ADGRB3: variants seen among roughly 807,000 people sequenced by gnomAD.
ADGRB3 encodes the protein adhesion G protein-coupled receptor B3.
ADGRB3 carries 37 observed loss-of-function variants against 193.4 expected under a neutral mutation model. The observed-to-expected ratio is 0.19, with a 90% CI of 0.15 to 0.25. ADGRB3 has a LOEUF of 0.25. ADGRB3 is among the 10% of genes least tolerant of loss of function. ADGRB3 has a pLI of 1.00. For synonymous variants in ADGRB3, 690 were observed against 644.2 expected, an observed-to-expected ratio of 1.07 and a Z score of -1.08; for missense variants, 1,637 against 1,852.9, an observed-to-expected ratio of 0.88 and a Z score of 2.14.
At chr6:68,867,384 A>G (rs187452603) in intron 3 of ADGRB3, among the ~76,000 whole-genome samples, 1 of 152,282 alleles carries the variant, frequency 6.6e-6, no homozygotes, top group Admixed American at 6.5e-5. Context: ...AGAGTTTAGG[A>G]AACTTCACTT....
intron 3 of ADGRB3, among the ~76,000 whole-genome samples, chr6:68,703,823 G>A (rs1001880142): frequency 1.3e-5 from 2 of 151,888 alleles, no homozygotes; most frequent in African/African-American, 2.4e-5. Flanking sequence ...GGGTTTCATC[G>A]TGTTGGTCAG....
intron 17 of ADGRB3, among the ~76,000 whole-genome samples, chr6:69,178,458 A>C (rs1312759361): frequency 6.6e-6 from 1 of 152,194 alleles, no homozygotes; most frequent in African/African-American, 2.4e-5. Context: ...GACTATTTAC[A>C]TTCAAAGTTA....
chr6:69,121,357 A>G (rs1029039978), intron 17 of ADGRB3, among the ~76,000 whole-genome samples: 3 of 152,238 alleles, frequency 2.0e-5, no homozygotes, highest in Non-Finnish European at 4.4e-5. Context: ...CCAAAGCAGA[A>G]GAATTTTTCT....
chr6:69,134,525 T>G (rs1179430499), intron 17 of ADGRB3, among the ~76,000 whole-genome samples: 1 of 152,080 alleles, frequency 6.6e-6, no homozygotes, highest in Non-Finnish European at 1.5e-5. Context: ...GCAGAAATGA[T>G]TCTTACTACC....
Position 69,031,550 on chromosome 6 carries a change from T to TTTCTTTCTTTATTTC in ADGRB3, c.2107+13053_2107+13054insCTTTCTTTATTTCTT. 2.9e-5 allele frequency among the ~76,000 whole-genome samples: 2 copies of TTTCTTTCTTTATTTC among 70,132 alleles called. 1 individual carries two copies. Among genetic ancestry groups the TTTCTTTCTTTATTTC allele is most frequent in the Non-Finnish European group, 6.1e-5 (2 of 32,952 alleles). The allele number at this position is 70,132 out of a possible 152,430, so 46.0% of individuals were successfully genotyped here. On this transcript the variant is annotated intron_variant, in intron 13 of 31. Coordinates refer to ENST00000370598, the MANE Select transcript of ADGRB3 (RefSeq NM_001704.3). ...CTTTCTTTCTTTCTTTCTTTCTTTC[T>TTTCTTTCTTTATTTC]TTTTCTTTCTTTCTTTTCTTCCTCT...
rs1437893534 is a variant in ADGRB3 at position 69,048,115 on chromosome 6, C to A, written c.2108-70C>A. 8 of 1,453,728 alleles carry A rather than the reference C, an allele frequency of 5.5e-6. No homozygotes were observed. In the East Asian group the frequency reaches 1.6e-4, roughly 30 times the overall value. The allele number at this position is 1,453,728 out of a possible 1,614,324, so 90.1% of individuals were successfully genotyped here. ...TATTTTGAATATACTGCAAGATTTACCTTGATCAACACTGATTACACTAAA... is the reference window on the plus strand; with the variant it reads ...TATTTTGAATATACTGCAAGATTTAACTTGATCAACACTGATTACACTAAA... On this transcript the variant is annotated intron_variant, in intron 13 of 31. Coordinates refer to ENST00000370598, the MANE Select transcript of ADGRB3 (RefSeq NM_001704.3).
At chr6:68,728,521 CAT>C (rs1765715285) in intron 3 of ADGRB3, among the ~76,000 whole-genome samples, 1 of 151,516 alleles carries the variant, frequency 6.6e-6, no homozygotes. Flanking sequence ...CTCGTGCACA[CAT>C]ATAAACATTT....
At chr6:68,990,866 A>G (rs1244587669) in intron 10 of ADGRB3, among the ~76,000 whole-genome samples, 1 of 152,154 alleles carries the variant, frequency 6.6e-6, no homozygotes, top group Non-Finnish European at 1.5e-5. Context: ...AGAACAATTT[A>G]GTCTTCTGCA....
chr6:68,948,883 G>A (rs1055682684), intron 6 of ADGRB3, among the ~76,000 whole-genome samples: 3 of 152,068 alleles, frequency 2.0e-5, no homozygotes, highest in Non-Finnish European at 2.9e-5. Flanking sequence ...GGGAAAAAAA[G>A]TGGTGTGTTA....
chr6:68,824,731 CT>C (rs1416365151), intron 3 of ADGRB3, among the ~76,000 whole-genome samples: 1 of 150,568 alleles, frequency 6.6e-6, no homozygotes, highest in East Asian at 1.9e-4. Context: ...ATTTTTCCCC[CT>C]AATCTTCTGT....
At chr6:69,229,917 A>T (rs1256910875) in intron 17 of ADGRB3, among the ~76,000 whole-genome samples, 1 of 152,334 alleles carries the variant, frequency 6.6e-6, no homozygotes, top group East Asian at 1.9e-4. Context: ...TTATATTTTC[A>T]CATCATTCTG....
intron 3 of ADGRB3, among the ~76,000 whole-genome samples, chr6:68,903,476 A>G (rs1766454334): frequency 6.6e-6 from 1 of 152,192 alleles, no homozygotes; most frequent in African/African-American, 2.4e-5. Context: ...CAGATATCAG[A>G]TGAAAACATA....
chr6:68,888,181 C>T (rs1408019614), intron 3 of ADGRB3, among the ~76,000 whole-genome samples: 1 of 152,068 alleles, frequency 6.6e-6, no homozygotes, highest in Non-Finnish European at 1.5e-5. Context: ...AAGTTAGAGT[C>T]CTCAAGAGAG....
intron 20 of ADGRB3, among the ~76,000 whole-genome samples, chr6:69,310,703 T>C (rs1768171036): frequency 6.6e-6 from 1 of 151,664 alleles, no homozygotes; most frequent in African/African-American, 2.4e-5. Flanking sequence ...AATGTTCCTG[T>C]GAAATGTTTA....
intron 17 of ADGRB3, among the ~76,000 whole-genome samples, chr6:69,230,000 G>A (rs572598439): frequency 1.3e-5 from 2 of 152,180 alleles, no homozygotes; most frequent in African/African-American, 4.8e-5. Flanking sequence ...ATATGGAGAA[G>A]AAGAAGAGGT....
At chr6:68,980,620 T>C (rs1386046692) in intron 10 of ADGRB3, among the ~76,000 whole-genome samples, 1 of 151,530 alleles carries the variant, frequency 6.6e-6, no homozygotes, top group Non-Finnish European at 1.5e-5. Context: ...CAAATATGTA[T>C]TGAGCTAAAA....
intron 3 of ADGRB3, among the ~76,000 whole-genome samples, chr6:68,884,431 G>A (rs576473600): frequency 2.1e-4 from 32 of 152,300 alleles, no homozygotes; most frequent in Middle Eastern, 3.4e-3. Context: ...GTGAGAACAT[G>A]TCTCTCAGAG....
intron 17 of ADGRB3, among the ~76,000 whole-genome samples, chr6:69,135,861 G>T (rs1023829725): frequency 6.6e-6 from 1 of 152,052 alleles, no homozygotes; most frequent in Non-Finnish European, 1.5e-5. Flanking sequence ...TTAGTCTGTA[G>T]CCATAAACAG....
intron 17 of ADGRB3, among the ~76,000 whole-genome samples, chr6:69,124,063 C>T (rs958534644): frequency 7.9e-5 from 12 of 150,984 alleles, no homozygotes; most frequent in Non-Finnish European, 1.5e-4. Context: ...CATCATTGAC[C>T]CCAACCATGC....
Sources: gnomAD v4.1 joint callset for allele counts (sites outside exome capture counted in the v4.1 genomes callset) on GRCh38, gnomAD v4.1.1 for gene constraint, MANE v1.5 for transcripts, NCBI Gene and HGNC (gene_info 2026-07-23, HGNC 2026-07-21) for gene names.